The following RPH3A variants were observed in gnomAD, a reference collection of about 807,000 sequenced individuals.
The protein encoded by RPH3A is rabphilin 3A, also known as rabphilin-3A.
RPH3A carries 48 observed loss-of-function variants against 102.2 expected under a neutral mutation model. The observed-to-expected ratio is 0.47, with a 90% CI of 0.37 to 0.60. The LOEUF is 0.60. Among genes scored for constraint, RPH3A ranks in the 20% least tolerant of loss-of-function variants. RPH3A has a pLI of 0.00. For synonymous variants in RPH3A, 310 were observed against 324.3 expected (o/e 0.96, Z 0.47); for missense variants, 781 against 910.1 (o/e 0.86, Z 1.83).
At chr12:112,876,506 C>A in intron 12 of RPH3A, 136 bp from the exon 13 acceptor site, 1 of 629,902 alleles carries the variant, frequency 1.6e-6, no homozygotes, top group Non-Finnish European at 2.7e-6. Flanking sequence ...TTGTCAAACA[C>A]AGATCCCAAG....
chr12:112,898,394 A>G lies in RPH3A; in HGVS notation c.*1614A>G, dbSNP rs895205196. The stretch of plus-strand genomic sequence containing the variant: ...AACCCCTGACATTCTCTACAGAAGC[A>G]TCAGACAGATACTCAAACTCTCACT... On this transcript the variant is annotated 3_prime_UTR_variant, in exon 22 of 22. Transcript: ENST00000389385. 6.6e-6 allele frequency: 1 copy of G among 152,216 alleles called. No homozygotes were observed. The highest frequency in any genetic ancestry group is 1.5e-5 in the Non-Finnish European group (1 of 68,048). The allele number at this position is 152,216 out of a possible 1,614,324, so 9.4% of individuals were successfully genotyped here. A position where few individuals can be genotyped will look rare whatever the true frequency, so the allele number is the denominator to read the frequency against.
intron 2 of RPH3A, among the ~76,000 whole-genome samples, chr12:112,806,375 C>T (rs1298093604): frequency 6.6e-6 from 1 of 152,214 alleles, no homozygotes; most frequent in African/African-American, 2.4e-5. Flanking sequence ...TGGCTCACGC[C>T]TGTAATCCCA....
intron 1 of RPH3A, among the ~76,000 whole-genome samples, chr12:112,735,947 G>A (rs2040666549): frequency 6.6e-6 from 1 of 152,156 alleles, no homozygotes; most frequent in South Asian, 2.1e-4. Context: ...TTCCCTGGGA[G>A]GACATCCTGA....
chr12:112,655,297 C>A (rs2040003130), intron 1 of RPH3A, among the ~76,000 whole-genome samples: 1 of 152,198 alleles, frequency 6.6e-6, no homozygotes, highest in African/African-American at 2.4e-5. Context: ...TCCAAAAATT[C>A]TTCACATCAG....
At chr12:112,609,092 C>T (rs1304407908) in intron 1 of RPH3A, among the ~76,000 whole-genome samples, 1 of 152,168 alleles carries the variant, frequency 6.6e-6, no homozygotes, top group Non-Finnish European at 1.5e-5. Flanking sequence ...GCACCATCTT[C>T]CCCAAATCCT....
At chr12:112,673,976 C>T (rs1173699778) in intron 1 of RPH3A, among the ~76,000 whole-genome samples, 2 of 152,184 alleles carry the variant, frequency 1.3e-5, no homozygotes, top group Admixed American at 6.5e-5. Flanking sequence ...CCAGACTGGT[C>T]TTAAACTCCT....
chr12:112,862,914 T>G (rs1457615253), intron 5 of RPH3A, among the ~76,000 whole-genome samples: 1 of 151,660 alleles, frequency 6.6e-6, no homozygotes, highest in Admixed American at 6.6e-5. Context: ...GACGCCCAAG[T>G]CCCTCCCATC....
At chr12:112,703,676 A>T (rs1263934716) in intron 1 of RPH3A, among the ~76,000 whole-genome samples, 2 of 152,246 alleles carry the variant, frequency 1.3e-5, no homozygotes, top group African/African-American at 4.8e-5. Flanking sequence ...GAGCTGAATC[A>T]GCAATGGGAA....
At chr12:112,772,287 G>T (rs2040931992) in intron 1 of RPH3A, among the ~76,000 whole-genome samples, 1 of 152,198 alleles carries the variant, frequency 6.6e-6, no homozygotes, top group Non-Finnish European at 1.5e-5. Context: ...AGTTGCTGAT[G>T]ACATTATTTT....
intron 1 of RPH3A, among the ~76,000 whole-genome samples, chr12:112,621,052 A>G (rs1592911298): frequency 6.8e-6 from 1 of 146,770 alleles, no homozygotes; most frequent in East Asian, 2.0e-4. Context: ...TATGTTACCT[A>G]GGCTGGTCTT....
intron 1 of RPH3A, among the ~76,000 whole-genome samples, chr12:112,661,282 A>G (rs192899103): frequency 6.6e-6 from 1 of 152,116 alleles, no homozygotes. Context: ...GAAGTGTGGG[A>G]TTTAAAGTCA....
At chr12:112,864,132 C>G (rs1199883806) in intron 5 of RPH3A, among the ~76,000 whole-genome samples, 2 of 152,178 alleles carry the variant, frequency 1.3e-5, no homozygotes, top group South Asian at 2.1e-4. Flanking sequence ...AGAGGAGGCT[C>G]TCAAGAGGGA....
chr12:112,614,274 C>T (rs1158454133), intron 1 of RPH3A, among the ~76,000 whole-genome samples: 3 of 152,066 alleles, frequency 2.0e-5, no homozygotes, highest in African/African-American at 7.2e-5. Context: ...GATGTTTGTC[C>T]TTGGGGTAGT....
chr12:112,818,351 T>C (rs1202241474), intron 2 of RPH3A, among the ~76,000 whole-genome samples: 3 of 138,678 alleles, frequency 2.2e-5, no homozygotes, highest in Non-Finnish European at 4.7e-5. Flanking sequence ...AGAGGGGACA[T>C]ATTGGTCCAT....
chr12:112,639,126 C>T (rs982918580), intron 1 of RPH3A, among the ~76,000 whole-genome samples: 2 of 152,132 alleles, frequency 1.3e-5, no homozygotes, highest in Middle Eastern at 3.2e-3. Context: ...GAAACTGACT[C>T]CAAGGCCAGT....
At chr12:112,830,343 A>G in intron 3 of RPH3A, among the ~76,000 whole-genome samples, 1 of 152,146 alleles carries the variant, frequency 6.6e-6, no homozygotes, top group Non-Finnish European at 1.5e-5. Context: ...TTCTTAATTT[A>G]TTACTTTTTT....
At chr12:112,813,131 C>T (rs544674706) in intron 2 of RPH3A, among the ~76,000 whole-genome samples, 1 of 152,196 alleles carries the variant, frequency 6.6e-6, no homozygotes, top group Non-Finnish European at 1.5e-5. Context: ...CTTAACATCA[C>T]ACAACTAGAA....
intron 1 of RPH3A, among the ~76,000 whole-genome samples, chr12:112,741,115 T>G (rs2040705877): frequency 1.3e-5 from 2 of 152,184 alleles, no homozygotes; most frequent in Admixed American, 6.5e-5. Flanking sequence ...CCCCAGATGT[T>G]CTGGCAACTT....
chr12:112,744,416 A>C (rs565482196), intron 1 of RPH3A, among the ~76,000 whole-genome samples: 1 of 152,326 alleles, frequency 6.6e-6, no homozygotes, highest in African/African-American at 2.4e-5. Context: ...GAGTGAGACT[A>C]GAGCCCTCAC....
Sources: allele counts gnomAD v4.1 joint callset (sites outside exome capture counted in the v4.1 genomes callset), GRCh38; gene constraint gnomAD v4.1.1; transcripts MANE v1.5; gene names NCBI Gene and HGNC (gene_info 2026-07-23, HGNC 2026-07-21).